The following KALRN variants were observed in gnomAD, a reference collection of about 807,000 sequenced individuals.
KALRN encodes the protein kalirin.
A neutral mutation model predicts 353.7 loss-of-function variants in KALRN; 70 were observed. The ratio of observed to expected loss-of-function variants is 0.20; its 90% CI spans 0.16 to 0.24. The LOEUF is 0.24. Among genes scored for constraint, KALRN ranks in the 10% least tolerant of loss-of-function variants. The pLI, the probability that KALRN is intolerant of heterozygous loss-of-function variation, is 1.00. For missense variants in KALRN, 2,791 were observed against 3,756.7 expected, an observed-to-expected ratio of 0.74 and a Z score of 6.72; for synonymous variants, 1,391 against 1,434.8, an observed-to-expected ratio of 0.97 and a Z score of 0.69.
intron 23 of KALRN, among the ~76,000 whole-genome samples, chr3:124,458,442 GC>G (rs1044732007): frequency 1.3e-5 from 2 of 151,576 alleles, no homozygotes; most frequent in African/African-American, 2.4e-5. Flanking sequence ...TTTATCTACA[GC>G]CCCCACTGTC....
At chr3:124,498,289 C>T (rs1456353753) in intron 33 of KALRN, among the ~76,000 whole-genome samples, 1 of 152,190 alleles carries the variant, frequency 6.6e-6, no homozygotes, top group Non-Finnish European at 1.5e-5. Flanking sequence ...GTGCTGGATG[C>T]TGTAGAGAGA....
At chr3:124,203,875 C>T (rs2076168392) in intron 1 of KALRN, among the ~76,000 whole-genome samples, 1 of 152,184 alleles carries the variant, frequency 6.6e-6, no homozygotes, top group Non-Finnish European at 1.5e-5. Context: ...CGTGGGTCCA[C>T]TTATACATGG....
chr3:124,252,540 G>A (rs1474339958), intron 3 of KALRN, among the ~76,000 whole-genome samples: 2 of 152,172 alleles, frequency 1.3e-5, no homozygotes, highest in Non-Finnish European at 2.9e-5. Context: ...TACTACCTTT[G>A]CACCACCCCA....
chr3:124,370,376 G>T (rs966194655), intron 10 of KALRN, among the ~76,000 whole-genome samples: 1 of 152,188 alleles, frequency 6.6e-6, no homozygotes, highest in Non-Finnish European at 1.5e-5. Context: ...AGTTTTAGGG[G>T]AGAAGGACTG....
intron 49 of KALRN, among the ~76,000 whole-genome samples, chr3:124,676,311 G>C (rs2087181808): frequency 6.6e-6 from 1 of 152,108 alleles, no homozygotes; most frequent in East Asian, 1.9e-4. Flanking sequence ...GTGTGTGGAG[G>C]GGAGCAGTGG....
chr3:124,277,387 G>A (rs756083806), intron 5 of KALRN, among the ~76,000 whole-genome samples: 2 of 152,116 alleles, frequency 1.3e-5, no homozygotes, highest in African/African-American at 2.4e-5. Context: ...TGTTGACGGA[G>A]CTCAGGGCAA....
intron 12 of KALRN, among the ~76,000 whole-genome samples, chr3:124,397,331 G>A (rs2090293253): frequency 6.6e-6 from 1 of 152,202 alleles, no homozygotes; most frequent in African/African-American, 2.4e-5. Context: ...GGCAGGAATA[G>A]GGAGCCCTGT....
At chr3:124,699,284 T>C (rs1239736918) in intron 55 of KALRN, among the ~76,000 whole-genome samples, 11 of 152,224 alleles carry the variant, frequency 7.2e-5, no homozygotes, top group Non-Finnish European at 1.5e-5. Flanking sequence ...AACTAAGTTC[T>C]CTTGGGCAAA....
intron 34 of KALRN, among the ~76,000 whole-genome samples, chr3:124,604,012 T>C (rs1318157084): frequency 6.6e-6 from 1 of 152,092 alleles, no homozygotes; most frequent in Non-Finnish European, 1.5e-5. Flanking sequence ...CTGTGTTGCA[T>C]GCTTTGGACT....
At chr3:124,651,042 C>G (rs1252296320) in intron 38 of KALRN, 104 bp downstream of exon 38, 58 of 1,369,994 alleles carry the variant, frequency 4.2e-5, no homozygotes, top group Admixed American at 5.9e-5. Context: ...GCTGTTTCCA[C>G]TGACATCTTT....
chr3:124,330,753 C>A (rs1028263241), intron 8 of KALRN, among the ~76,000 whole-genome samples: 1 of 152,164 alleles, frequency 6.6e-6, no homozygotes, highest in African/African-American at 2.4e-5. Flanking sequence ...ATTAAGGAAG[C>A]TGGATGAGGA....
intron 1 of KALRN, among the ~76,000 whole-genome samples, chr3:124,035,645 T>C (rs751613410): frequency 6.6e-6 from 1 of 152,220 alleles, no homozygotes; most frequent in Non-Finnish European, 1.5e-5. Context: ...TTATTTCTGA[T>C]AATAAATTCA....
At chr3:124,676,964 T>A (rs1383410256) in intron 49 of KALRN, among the ~76,000 whole-genome samples, 1 of 152,216 alleles carries the variant, frequency 6.6e-6, no homozygotes, top group Non-Finnish European at 1.5e-5. Flanking sequence ...ATTACTGTGA[T>A]TGCTCTTTCC....
rs548518484 is a variant in KALRN at position 124,621,925 on chromosome 3, T to C, written c.5183-10495T>C. Among the ~76,000 whole-genome samples the C allele has an allele frequency of 2.0e-5, 3 of 152,380 alleles. No individual in the cohort carries two copies. The South Asian group carries it at 6.2e-4, about 32-fold the overall frequency. The stretch of plus-strand genomic sequence containing the variant: ...AACAAATATGGATTTATCCATTGGC[T>C]ACCCAGGAAATTTTCACCTTTGGCC... On this transcript the variant is annotated intron_variant, in intron 34 of 59. Coordinates refer to ENST00000682506, the MANE Select transcript of KALRN (RefSeq NM_001388419.1).
intron 34 of KALRN, among the ~76,000 whole-genome samples, chr3:124,612,170 A>G (rs776603974): frequency 6.6e-6 from 1 of 152,116 alleles, no homozygotes; most frequent in Non-Finnish European, 1.5e-5. Flanking sequence ...GATTACAGGC[A>G]TGCACCACCA....
rs139010571 is a variant in KALRN at position 124,399,947 on chromosome 3, AG to A, written c.2346+1079del. ...ACTTTTTCCTTTTCAGGGATAGCAA[AG>A]GGTTAAATTAAAGGCATGTCTTCTG... On this transcript the variant is annotated intron_variant, in intron 13 of 59. Transcript: ENST00000682506. 2.8e-4 allele frequency among the ~76,000 whole-genome samples: 43 copies of A among 152,288 alleles called. No individual in the cohort carries two copies. In the East Asian group the frequency reaches 7.5e-3, roughly 27 times the overall value.
intron 7 of KALRN, among the ~76,000 whole-genome samples, chr3:124,326,518 A>G (rs964546830): frequency 1.3e-5 from 2 of 152,202 alleles, no homozygotes; most frequent in African/African-American, 2.4e-5. Context: ...AAAGGGGTGA[A>G]TGTAAAGTGA....
At chr3:124,375,179 C>T (rs186641385) in intron 10 of KALRN, among the ~76,000 whole-genome samples, 100 of 152,150 alleles carry the variant, frequency 6.6e-4, no homozygotes, top group Non-Finnish European at 1.1e-3. Flanking sequence ...GGGTTGCTTC[C>T]GAGCAGCAAT....
Position 124,699,942 on chromosome 3 carries a change from G to C in KALRN, c.7905G>C (p.Gly2635=). Residue 2635 remains glycine (G), a synonymous_variant, in exon 56 of 60, where the codon GGG becomes GGC. Coordinates refer to ENST00000682506, the MANE Select transcript of KALRN (RefSeq NM_001388419.1). ...TCGTCATCGAAGACCTTAGTCCCGG[G>C]TGTCCTTATCAGTTCAGAGTCAGTG... ...TYLVIEDLSP[G]CPYQFRVSAS... 7 of 1,614,190 alleles carry C rather than the reference G, an allele frequency of 4.3e-6. No individual in the cohort carries two copies. Among genetic ancestry groups the C allele is most frequent in the Non-Finnish European group, 5.9e-6 (7 of 1,180,018 alleles).
Sources: allele counts gnomAD v4.1 joint callset (sites outside exome capture counted in the v4.1 genomes callset), GRCh38; gene constraint gnomAD v4.1.1; transcripts MANE v1.5; gene names NCBI Gene and HGNC (gene_info 2026-07-23, HGNC 2026-07-21).